Variants in DNAAF9 observed in about 807,000 individuals in gnomAD.
DNAAF9 encodes dynein axonemal assembly factor 9, also known as shulin.
Under a neutral mutation model 167.0 loss-of-function variants are expected in DNAAF9, and 90 were observed. The ratio of observed to expected loss-of-function variants is 0.54; its 90% CI spans 0.45 to 0.64. The LOEUF (loss-of-function observed/expected upper bound fraction) is 0.64, where lower values mean the gene tolerates loss of function less well. Among genes scored for constraint, DNAAF9 ranks in the 30% least tolerant of loss-of-function variants. The pLI is 0.00. For synonymous variants in DNAAF9, 491 were observed against 508.8 expected (o/e 0.96, Z 0.47); for missense variants, 1,315 against 1,442.2 (o/e 0.91, Z 1.43).
rs754889798 is a variant in DNAAF9 at position 3,326,260 on chromosome 20, A to G, written c.1125T>C (p.Ala375=). The change falls in exon 13 of 37, where the codon GCT becomes GCC. Residue 375 remains alanine (A), a synonymous_variant. Transcript: ENST00000252032. ...CAGCCAAAACAGCCTCAATAACAGC[A>G]GCATATATCTGGGACAATAGCCTAC... ...EQIRLLSQIY[A]AVIEAVLAGI... The G allele has an allele frequency of 1.2e-6, 2 of 1,613,410 alleles. No individual in the cohort carries two copies. Among genetic ancestry groups the G allele is most frequent in the Non-Finnish European group, 1.7e-6 (2 of 1,179,332 alleles).
intron 7 of DNAAF9, among the ~76,000 whole-genome samples, chr20:3,356,006 G>A (rs1407331347): frequency 2.6e-5 from 4 of 151,856 alleles, no homozygotes; most frequent in Admixed American, 6.6e-5. Flanking sequence ...ACATTAAAAC[G>A]TTTTAAGGGT....
At chr20:3,405,774 A>T (rs575218824) in intron 1 of DNAAF9, among the ~76,000 whole-genome samples, 44 of 152,326 alleles carry the variant, frequency 2.9e-4, no homozygotes, top group Non-Finnish European at 6.0e-4. Context: ...CCCCCTAAAG[A>T]TCTCAACAGA....
intron 1 of DNAAF9, among the ~76,000 whole-genome samples, chr20:3,391,541 A>AT (rs1216249122): frequency 1.3e-5 from 2 of 148,372 alleles, no homozygotes; most frequent in African/African-American, 5.0e-5. Flanking sequence ...GGTCACCACT[A>AT]TGAGTTTGTT....
At chr20:3,260,907 C>T (rs1357982176) in intron 31 of DNAAF9, among the ~76,000 whole-genome samples, 3 of 151,582 alleles carry the variant, frequency 2.0e-5, no homozygotes, top group African/African-American at 7.3e-5. Flanking sequence ...GCTAGGATTA[C>T]AGGTGTAAGC....
intron 8 of DNAAF9, among the ~76,000 whole-genome samples, chr20:3,344,636 CACA>C (rs1568617735): frequency 1.6e-4 from 19 of 120,472 alleles, no homozygotes; most frequent in East Asian, 7.2e-4. Context: ...CACACACACA[CACA>C]CCTCATGTAG....
intron 1 of DNAAF9, among the ~76,000 whole-genome samples, chr20:3,407,264 G>T (rs2084074497): frequency 6.6e-6 from 1 of 152,186 alleles, no homozygotes; most frequent in South Asian, 2.1e-4. Context: ...GCCATTGTGG[G>T]GAAACCGTTG....
chr20:3,282,252 TCTCCAAA>T (rs1437597485), intron 27 of DNAAF9, among the ~76,000 whole-genome samples: 1 of 152,172 alleles, frequency 6.6e-6, no homozygotes. Flanking sequence ...CCTGGAACTC[TCTCCAAA>T]CTCCAAACTC....
intron 14 of DNAAF9, among the ~76,000 whole-genome samples, chr20:3,323,449 T>C (rs1391586887): frequency 1.3e-5 from 2 of 151,864 alleles, no homozygotes; most frequent in East Asian, 3.9e-4. Flanking sequence ...GCCTGGCTAA[T>C]TTTTGCATTT....
At chr20:3,320,857 C>G (rs1040978229) in intron 16 of DNAAF9, among the ~76,000 whole-genome samples, 1 of 152,182 alleles carries the variant, frequency 6.6e-6, no homozygotes, top group Admixed American at 6.5e-5. Flanking sequence ...GGGACCAAAG[C>G]TTTTTCAAAC....
intron 20 of DNAAF9, among the ~76,000 whole-genome samples, chr20:3,307,484 G>A (rs2069320365): frequency 1.3e-5 from 2 of 152,090 alleles, no homozygotes; most frequent in South Asian, 4.2e-4. Flanking sequence ...ATCTGCTCTG[G>A]ACTCTTGACT....
At chr20:3,293,847 A>C (rs1251230962) in intron 25 of DNAAF9, among the ~76,000 whole-genome samples, 1 of 152,112 alleles carries the variant, frequency 6.6e-6, no homozygotes, top group Non-Finnish European at 1.5e-5. Context: ...GATGGCATGA[A>C]AGCACTGAGT....
intron 6 of DNAAF9, among the ~76,000 whole-genome samples, chr20:3,367,696 A>G (rs1324738084): frequency 6.6e-6 from 1 of 152,182 alleles, no homozygotes; most frequent in Non-Finnish European, 1.5e-5. Context: ...ATCATCTCAT[A>G]TGAGTGCAGT....
At chr20:3,388,508 T>C (rs923473354) in intron 1 of DNAAF9, among the ~76,000 whole-genome samples, 5 of 152,198 alleles carry the variant, frequency 3.3e-5, no homozygotes, top group African/African-American at 1.2e-4. Context: ...GATACCTGTA[T>C]ACCCATCTTC....
At chr20:3,267,248 A>G (rs2122785247) in intron 30 of DNAAF9, among the ~76,000 whole-genome samples, 1 of 152,252 alleles carries the variant, frequency 6.6e-6, no homozygotes, top group African/African-American at 2.4e-5. Flanking sequence ...TTATCCCCAA[A>G]TTGTCCCAAA....
chr20:3,290,787 CTTTTT>C (rs548143543), intron 25 of DNAAF9, among the ~76,000 whole-genome samples: 50 of 135,314 alleles, frequency 3.7e-4, no homozygotes, highest in African/African-American at 1.1e-3. Flanking sequence ...AGGGCTAAGT[CTTTTT>C]TTTTTTTTTT....
At chr20:3,278,620 G>A (rs574205128) in intron 29 of DNAAF9, among the ~76,000 whole-genome samples, 1 of 152,310 alleles carries the variant, frequency 6.6e-6, no homozygotes, top group Non-Finnish European at 1.5e-5. Flanking sequence ...TTGGGAGGCT[G>A]AGGTAGGAGA....
intron 8 of DNAAF9, among the ~76,000 whole-genome samples, chr20:3,345,925 C>A (rs1431969874): frequency 6.6e-6 from 1 of 151,964 alleles, no homozygotes; most frequent in African/African-American, 2.4e-5. Context: ...CAGAGCGACA[C>A]TCCATCCCAA....
At chr20:3,291,578 C>T (rs1429431906) in intron 25 of DNAAF9, among the ~76,000 whole-genome samples, 5 of 151,422 alleles carry the variant, frequency 3.3e-5, no homozygotes, top group Non-Finnish European at 5.9e-5. Flanking sequence ...CTCTTGACCT[C>T]GTGATCCACC....
At chr20:3,305,453 T>C (rs1245144856) in intron 20 of DNAAF9, among the ~76,000 whole-genome samples, 2 of 152,362 alleles carry the variant, frequency 1.3e-5, no homozygotes, top group South Asian at 4.1e-4. Context: ...TTTGAGTTTA[T>C]TGTCATTAAG....
Sources: allele counts gnomAD v4.1 joint callset (sites outside exome capture counted in the v4.1 genomes callset), GRCh38; gene constraint gnomAD v4.1.1; transcripts MANE v1.5; gene names NCBI Gene and HGNC (gene_info 2026-07-23, HGNC 2026-07-21).